The following CLVS1 variants were observed in gnomAD, a reference collection of about 807,000 sequenced individuals.
CLVS1 encodes the protein clavesin-1.
Under a neutral mutation model 33.1 loss-of-function variants are expected in CLVS1, and 10 were observed. The ratio of observed to expected loss-of-function variants is 0.30; its 90% CI spans 0.19 to 0.51. The LOEUF (loss-of-function observed/expected upper bound fraction) is 0.51. Ranked by LOEUF, CLVS1 falls within the 20% of genes least tolerant of loss-of-function variation. CLVS1 has a pLI of 0.97. For missense variants in CLVS1, 343 were observed against 433.4 expected (o/e 0.79, Z 1.85); for synonymous variants, 163 against 166.1 (o/e 0.98, Z 0.14).
At chr8:61,401,007 C>T (rs556515628) in intron 3 of CLVS1, among the ~76,000 whole-genome samples, 15 of 151,682 alleles carry the variant, frequency 9.9e-5, no homozygotes, top group Admixed American at 3.9e-4. Flanking sequence ...TTTGTTTTCT[C>T]TCTGCCAGTT....
intron 1 of CLVS1, among the ~76,000 whole-genome samples, chr8:61,087,559 G>A (rs4469450): frequency 0.073 from 11,119 of 152,196 alleles, 562 homozygotes; most frequent in East Asian, 0.23. Flanking sequence ...TAGAACCTAG[G>A]TGGCATACTG....
chr8:61,321,677 C>T (rs1210905489), intron 2 of CLVS1, among the ~76,000 whole-genome samples: 5 of 152,096 alleles, frequency 3.3e-5, no homozygotes, highest in Non-Finnish European at 5.9e-5. Flanking sequence ...ACCAGGGTGA[C>T]CCTCTTCACA....
chr8:61,082,499 AAAC>A lies in CLVS1; in HGVS notation c.-243+25284_-243+25286del, dbSNP rs71559325. 3.3e-5 allele frequency among the ~76,000 whole-genome samples: 5 copies of A among 151,494 alleles called. No individual in the cohort carries two copies. In the South Asian group the frequency reaches 8.3e-4, roughly 25 times the overall value. ...AACAAAGAAACAAACAAACAAACAAAAACAACAACAACAACAAAAAACTGTGCC... is the reference window on the plus strand; with the variant it reads ...AACAAAGAAACAAACAAACAAACAAAAACAACAACAACAAAAAACTGTGCC... On this transcript the variant is annotated intron_variant, in intron 1 of 2. Coordinates refer to the CLVS1 transcript ENST00000522621.
intron 2 of CLVS1, among the ~76,000 whole-genome samples, chr8:61,137,248 A>G (rs996807169): frequency 7.2e-5 from 11 of 152,154 alleles, no homozygotes; most frequent in African/African-American, 2.7e-4. Context: ...CCTCAGAGGT[A>G]GGAGGTGAGT....
At chr8:61,029,209 G>A in the CLVS1 span, among the ~76,000 whole-genome samples, 1 of 152,230 alleles carries the variant, frequency 6.6e-6, no homozygotes, top group Non-Finnish European at 1.5e-5. Flanking sequence ...TAGCATGTGA[G>A]AGGAGGGTTG....
chr8:61,293,078 C>T (rs932031899), intron 1 of CLVS1, among the ~76,000 whole-genome samples: 1 of 151,770 alleles, frequency 6.6e-6, no homozygotes, highest in Non-Finnish European at 1.5e-5. Flanking sequence ...TGCTTCTTTG[C>T]TGTTTTAAAG....
At chr8:61,178,835 C>T (rs1415208774) in intron 2 of CLVS1, among the ~76,000 whole-genome samples, 1 of 152,052 alleles carries the variant, frequency 6.6e-6, no homozygotes, top group Non-Finnish European at 1.5e-5. Context: ...TGCAAGAGCT[C>T]CTGAAAAAAA....
At chr8:61,300,629 G>T in intron 2 of CLVS1, 1 of 185,778 alleles carries the variant, frequency 5.4e-6, no homozygotes. Context: ...TTAGTAGATG[G>T]CTTAATATCA....
chr8:61,398,009 G>C (rs1395149319), intron 3 of CLVS1, among the ~76,000 whole-genome samples: 1 of 151,926 alleles, frequency 6.6e-6, no homozygotes, highest in East Asian at 1.9e-4. Context: ...ATGAATTTAA[G>C]GATTAGCTTG....
At chr8:61,451,634 G>A (rs149689168) in intron 3 of CLVS1, among the ~76,000 whole-genome samples, 22 of 152,166 alleles carry the variant, frequency 1.4e-4, no homozygotes, top group Admixed American at 3.3e-4. Flanking sequence ...CCAGGAGGGC[G>A]GTAGGCCTCT....
intron 2 of CLVS1, among the ~76,000 whole-genome samples, chr8:61,341,068 A>T (rs917693306): frequency 6.6e-6 from 1 of 152,226 alleles, no homozygotes; most frequent in African/African-American, 2.4e-5. Context: ...GCTTTCTCTT[A>T]AAAGTATTGT....
In CLVS1 at chr8:61,477,779, T is replaced by C. The variant is rs540264971; in HGVS notation, c.977+19237T>C. Among the ~76,000 whole-genome samples, 9 of 152,242 alleles carry C rather than the reference T, an allele frequency of 5.9e-5. No homozygotes were observed. In the South Asian group the frequency reaches 1.0e-3, roughly 18 times the overall value. On this transcript the variant is annotated intron_variant, in intron 5 of 5. Transcript: ENST00000325897. ...TGGATTCATTGATTTTTTGAAGGGT[T>C]TTTTGTGTCTCTATGTCCTTCATTT...
Position 61,300,015 on chromosome 8 carries a change from G to A in CLVS1, c.188G>A (p.Arg63Lys), listed in dbSNP as rs756476226. 5.6e-5 allele frequency: 91 copies of A among 1,614,020 alleles called. No individual in the cohort carries two copies. The highest frequency in any genetic ancestry group is 7.7e-5 in the Non-Finnish European group (91 of 1,179,972). The change falls in exon 2 of 6, where the codon AGG (arginine) becomes AAG (lysine). Residue 63 changes from arginine (R) to lysine (K), a missense_variant. Around this residue, in one of 4 missense-constraint regions of CLVS1, gnomAD observed 88 missense variants for 77.3 expected, o/e 1.14. Transcript: ENST00000325897. ...CAAGTCAGGGACATGATCATCACCA[G>A]GCCTGACATTGGATTTTTACGTACA... ...IQQVRDMIIT[R>K]PDIGFLRTDD... is the part of the protein sequence containing the mutation.
the CLVS1 span, among the ~76,000 whole-genome samples, chr8:61,002,897 G>A: frequency 1.3e-5 from 2 of 152,218 alleles, no homozygotes; most frequent in African/African-American, 4.8e-5. Context: ...TTGGGGTTTT[G>A]TGTCTTGGTC....
In CLVS1 at chr8:61,377,420, T is replaced by A. The variant is rs949987253; in HGVS notation, c.630+641T>A. On this transcript the variant is annotated intron_variant, in intron 3 of 5. Coordinates refer to ENST00000325897, the MANE Select transcript of CLVS1 (RefSeq NM_173519.3). ...TGCTGCTTAGCTTTCTGGTGACACA[T>A]TATTACAAATTACTATTACTATAAC... The A allele has an allele frequency of 2.6e-5, 4 of 152,214 alleles. No individual in the cohort carries two copies. In the South Asian group the frequency reaches 8.3e-4, roughly 31 times the overall value. The allele number at this position is 152,214 out of a possible 1,614,324, so 9.4% of individuals were successfully genotyped here. A position where few individuals can be genotyped will look rare whatever the true frequency, so the allele number is the denominator to read the frequency against.
chr8:61,364,781 T>A (rs1426170872), intron 2 of CLVS1, among the ~76,000 whole-genome samples: 3 of 152,248 alleles, frequency 2.0e-5, no homozygotes, highest in Non-Finnish European at 4.4e-5. Flanking sequence ...CCTTGTAGAA[T>A]GTATTGATCT....
rs1804644542 is a variant in CLVS1, at chr8:61,500,585, A to AGT, written c.*1044_*1045dup. 1 of 152,210 alleles carries AGT rather than the reference A, an allele frequency of 6.6e-6. No homozygotes were observed. The highest frequency in any genetic ancestry group is 2.4e-5 in the African/African-American group (1 of 41,444). The allele number at this position is 152,210 out of a possible 1,614,324, so 9.4% of individuals were successfully genotyped here. Reference sequence around the variant, plus strand: ...ATGTCAAAGGTCATTTTATTTACCTAGTCTCCTTAGAAATGGAGTCCCCAA... The same window carrying AGT: ...ATGTCAAAGGTCATTTTATTTACCTAGTGTCTCCTTAGAAATGGAGTCCCCAA... On this transcript the variant is annotated 3_prime_UTR_variant, in exon 6 of 6. Coordinates refer to ENST00000325897, the MANE Select transcript of CLVS1 (RefSeq NM_173519.3).
intron 3 of CLVS1, among the ~76,000 whole-genome samples, chr8:61,409,865 C>T (rs1395832152): frequency 6.6e-6 from 1 of 152,064 alleles, no homozygotes; most frequent in African/African-American, 2.4e-5. Flanking sequence ...TTTTGCATTT[C>T]TCTAATTATG....
rs1804747028 is a variant in CLVS1 at position 61,500,838 on chromosome 8, T to C, written c.*1296T>C. 1 of 152,176 alleles carries C rather than the reference T, an allele frequency of 6.6e-6. No homozygotes were observed. The highest frequency in any genetic ancestry group is 1.5e-5 in the Non-Finnish European group (1 of 68,036). 9.4% of individuals were successfully genotyped at this position (152,176 alleles called of 1,614,324 possible). A position where few individuals can be genotyped will look rare whatever the true frequency, so the allele number is the denominator to read the frequency against. ...ATATGATTTTACATTATTTTAAATA[T>C]TTGGGAGAGTTAATTTGTTAGCTAA... is the stretch of plus-strand genomic sequence containing the variant. On this transcript the variant is annotated 3_prime_UTR_variant, in exon 6 of 6. Transcript: ENST00000325897.
Sources: gnomAD v4.1 joint callset for allele counts (sites outside exome capture counted in the v4.1 genomes callset) on GRCh38, gnomAD v4.1.1 for gene constraint, gnomAD v4.1.1 regional missense constraint, MANE v1.5 for transcripts, NCBI Gene and HGNC (gene_info 2026-07-23, HGNC 2026-07-21) for gene names.